BTRC: variants seen among roughly 807,000 people sequenced by gnomAD.
BTRC encodes the protein beta-transducin repeat containing E3 ubiquitin protein ligase.
A neutral mutation model predicts 85.5 loss-of-function variants in BTRC; 42 were observed. That is an observed-to-expected ratio of 0.49 (90% CI 0.38 to 0.64). The LOEUF is 0.64. BTRC is among the 30% of genes least tolerant of loss of function. BTRC has a pLI of 0.00. For missense variants in BTRC, 594 were observed against 743.5 expected (o/e 0.80, Z 2.34); for synonymous variants, 255 against 263.3 (o/e 0.97, Z 0.30).
chr10:101,371,714 G>A (rs1000139338), intron 1 of BTRC, among the ~76,000 whole-genome samples: 1 of 152,102 alleles, frequency 6.6e-6, no homozygotes, highest in Non-Finnish European at 1.5e-5. Flanking sequence ...GCTGCTATTT[G>A]TATATGTTAC....
chr10:101,500,083 GCC>G (rs1226787654), intron 4 of BTRC, among the ~76,000 whole-genome samples: 1 of 150,970 alleles, frequency 6.6e-6, no homozygotes, highest in Non-Finnish European at 1.5e-5. Context: ...TTTTCTTGTG[GCC>G]CTACTGTGGT....
At chr10:101,373,101 TA>T (rs1256792182) in intron 1 of BTRC, among the ~76,000 whole-genome samples, 1 of 152,348 alleles carries the variant, frequency 6.6e-6, no homozygotes, top group East Asian at 1.9e-4. Context: ...AGGTGTTATT[TA>T]AAAAATTTAA....
At chr10:101,430,631 A>G (rs1944376954) in intron 2 of BTRC, among the ~76,000 whole-genome samples, 179 bp downstream of exon 2, 2 of 152,144 alleles carry the variant, frequency 1.3e-5, no homozygotes, top group Non-Finnish European at 1.5e-5. Flanking sequence ...ACCCAGACTG[A>G]TCCACTCTTA....
intron 2 of BTRC, among the ~76,000 whole-genome samples, chr10:101,456,395 G>A (rs1945084388): frequency 6.6e-6 from 1 of 151,926 alleles, no homozygotes; most frequent in African/African-American, 2.4e-5. Flanking sequence ...AGCTAGATAT[G>A]TTCAAAGAAA....
At chr10:101,529,527 A>G (rs2062249179) in intron 6 of BTRC, among the ~76,000 whole-genome samples, 1 of 152,212 alleles carries the variant, frequency 6.6e-6, no homozygotes, top group Non-Finnish European at 1.5e-5. Flanking sequence ...ATTTGCCTGC[A>G]AAGTGTTTGT....
chr10:101,404,030 A>ATATATAT (rs1232082481), intron 1 of BTRC, among the ~76,000 whole-genome samples: 8 of 25,434 alleles, frequency 3.1e-4, no homozygotes, highest in African/African-American at 1.5e-3. Flanking sequence ...ATATATATAT[A>ATATATAT]TTTTTTTTTT....
intron 1 of BTRC, among the ~76,000 whole-genome samples, chr10:101,374,732 T>G (rs1942741793): frequency 6.6e-6 from 1 of 150,564 alleles, no homozygotes; most frequent in African/African-American, 2.4e-5. Flanking sequence ...TGTATACATA[T>G]GTATGTAACC....
rs895287630 is a variant in BTRC, at chr10:101,553,785, T to TC, written c.*666dup. On this transcript the variant is annotated 3_prime_UTR_variant, in exon 15 of 15. Transcript: ENST00000370187. ...TGTTTCTGTTCCTCTTCCCATCTAC[T>TC]CCCCTACGCCCCTTCAACCTTTTTT... The TC allele has an allele frequency of 1.3e-5, 2 of 152,890 alleles. No homozygotes were observed. The highest frequency in any genetic ancestry group is 4.8e-5 in the African/African-American group (2 of 41,458). 9.5% of individuals were successfully genotyped at this position (152,890 alleles called of 1,614,324 possible). A position where few individuals can be genotyped will look rare whatever the true frequency, so the allele number is the denominator to read the frequency against.
At chr10:101,521,524 A>G (rs530283972) in intron 4 of BTRC, 115 bp from the exon 5 acceptor site, 1 of 739,516 alleles carries the variant, frequency 1.4e-6, no homozygotes, top group Non-Finnish European at 2.2e-6. Context: ...TAATAGAATA[A>G]CAGAGTGGGC....
chr10:101,527,555 C>A lies in BTRC; in HGVS notation c.743+1356C>A, dbSNP rs374981630. Among the ~76,000 whole-genome samples the A allele has an allele frequency of 3.3e-5, 5 of 152,074 alleles. No homozygotes were observed. In the East Asian group the frequency reaches 5.8e-4, roughly 18 times the overall value. On this transcript the variant is annotated intron_variant, in intron 6 of 14. Transcript: ENST00000370187. ...ATCGTTTGAGCCCAGGAGTTTGATA[C>A]CAGGCTGGGCAACATATTGAGACCT...
rs186254329 is a variant in BTRC, at chr10:101,532,205, G to A, written c.841-90G>A. 208 of 1,391,074 alleles carry A rather than the reference G, an allele frequency of 1.5e-4. 1 individual carries two copies. In the African/African-American group the frequency reaches 2.7e-3, roughly 18 times the overall value. The allele number at this position is 1,391,074 out of a possible 1,614,324, so 86.2% of individuals were successfully genotyped here. On this transcript the variant is annotated intron_variant, in intron 7 of 14. Coordinates refer to ENST00000370187, the MANE Select transcript of BTRC (RefSeq NM_033637.4). ...AGTTGTGTATATCCCATAGAGTAAA[G>A]CATTGAGCCATTGATTGTCATTAAA... is the stretch of plus-strand genomic sequence containing the variant.
chr10:101,426,332 A>G (rs1194778590), intron 1 of BTRC, among the ~76,000 whole-genome samples: 2 of 152,236 alleles, frequency 1.3e-5, no homozygotes, highest in African/African-American at 2.4e-5. Context: ...GGTAATGTGC[A>G]GATCTGACTA....
At chr10:101,372,132 C>T (rs1942653023) in intron 1 of BTRC, among the ~76,000 whole-genome samples, 1 of 152,042 alleles carries the variant, frequency 6.6e-6, no homozygotes, top group Non-Finnish European at 1.5e-5. Context: ...CAATACCACA[C>T]TGTCTTAATT....
intron 1 of BTRC, among the ~76,000 whole-genome samples, chr10:101,365,582 TCTC>T (rs1942349065): frequency 1.3e-5 from 2 of 152,144 alleles, no homozygotes; most frequent in African/African-American, 2.4e-5. Context: ...TTCAAGCAAT[TCTC>T]CTGCCTCAGC....
chr10:101,361,984 CG>C (rs1214835085), intron 1 of BTRC, among the ~76,000 whole-genome samples: 1 of 152,204 alleles, frequency 6.6e-6, no homozygotes, highest in East Asian at 1.9e-4. Flanking sequence ...CCCCTTGAGA[CG>C]GAGTCTCACT....
At chr10:101,457,582 A>C (rs957795961) in intron 2 of BTRC, among the ~76,000 whole-genome samples, 2 of 152,226 alleles carry the variant, frequency 1.3e-5, no homozygotes, top group Non-Finnish European at 1.5e-5. Context: ...CTGTAATGCT[A>C]TTCATAGACT....
At chr10:101,433,465 T>C (rs571420923) in intron 2 of BTRC, among the ~76,000 whole-genome samples, 1 of 152,106 alleles carries the variant, frequency 6.6e-6, no homozygotes, top group South Asian at 2.1e-4. Flanking sequence ...AGGAATTAAC[T>C]CGATAACAGG....
intron 4 of BTRC, among the ~76,000 whole-genome samples, chr10:101,511,663 G>A (rs1011270838): frequency 1.3e-5 from 2 of 151,982 alleles, no homozygotes; most frequent in African/African-American, 4.8e-5. Context: ...TCAAGCGAGG[G>A]TTCACACACC....
intron 4 of BTRC, among the ~76,000 whole-genome samples, chr10:101,501,183 G>C (rs1458087571): frequency 7.7e-6 from 1 of 130,044 alleles, no homozygotes. Context: ...GTGAGACTGC[G>C]TCTCAAAAAA....
Sources: gnomAD v4.1 joint callset for allele counts (sites outside exome capture counted in the v4.1 genomes callset) on GRCh38, gnomAD v4.1.1 for gene constraint, MANE v1.5 for transcripts, NCBI Gene and HGNC (gene_info 2026-07-23, HGNC 2026-07-21) for gene names.